Variants in LARS1 observed in about 807,000 individuals in gnomAD.
LARS1 encodes leucyl-tRNA synthetase 1, also known as leucine--tRNA ligase, cytoplasmic.
A neutral mutation model predicts 162.8 loss-of-function variants in LARS1; 100 were observed. The ratio of observed to expected loss-of-function variants is 0.61; its 90% confidence interval spans 0.52 to 0.73. The LOEUF (loss-of-function observed/expected upper bound fraction) is 0.73. LARS1 is among the 30% of genes least tolerant of loss of function. The pLI, the probability that LARS1 is intolerant of heterozygous loss-of-function variation, is 0.00. For synonymous variants in LARS1, 457 were observed against 462.8 expected (o/e 0.99, Z 0.16); for missense variants, 1,258 against 1,408.9 (o/e 0.89, Z 1.71).
chr5:146,131,096 C>T lies in LARS1; in HGVS notation c.2410G>A (p.Gly804Arg). 6.4e-7 allele frequency: 1 copy of T among 1,561,570 alleles called. No individual in the cohort carries two copies. The highest frequency in any genetic ancestry group is 8.8e-7 in the Non-Finnish European group (1 of 1,141,588). The change falls in exon 24 of 32, where the codon GGA becomes AGA. Residue 804 changes from glycine to arginine, a missense_variant. By Grantham distance (125) the Gly-to-Arg change is moderately radical. Transcript: ENST00000394434. ...TAGTTTTGATCTGTTTTTATAATTC[C>T]TGCATTCAATTCACTATTGAATACG... Reference protein sequence around the residue: ...DRVFASELNAGIIKTDQNYEK... With the variant: ...DRVFASELNARIIKTDQNYEK...
chr5:146,164,412 A>G lies in LARS1; in HGVS notation c.492T>C (p.Leu164=), dbSNP rs1753911288. ...SKYQWGIMKS[L]GLSDEEIVKF... ...TTACTATCTCTTCATCAGACAGGCC[A>G]AGGGATTTCATAATGCCCCACTGGT... Residue 164 remains leucine (L), a synonymous_variant, in exon 6 of 32, where the codon CTT becomes CTC. Coordinates refer to ENST00000394434, the MANE Select transcript of LARS1 (RefSeq NM_020117.11). The G allele has an allele frequency of 6.2e-7, 1 of 1,614,056 alleles. No individual in the cohort carries two copies. Among genetic ancestry groups the G allele is most frequent in the Admixed American group, 1.7e-5 (1 of 60,024 alleles).
Position 146,144,547 on chromosome 5 carries a change from G to A in LARS1, c.1590-10C>T. 1.2e-6 allele frequency: 2 copies of A among 1,613,532 alleles called. No individual in the cohort carries two copies. Among genetic ancestry groups the A allele is most frequent in the Middle Eastern group, 3.3e-4 (2 of 6,062 alleles). On this transcript the variant is annotated splice_polypyrimidine_tract_variant and intron_variant, in intron 16 of 31. Coordinates refer to ENST00000394434, the MANE Select transcript of LARS1 (RefSeq NM_020117.11). ...TCCATAATCCAAGTACCTGGGAGTGGACAAATTGATATGTTTTTTTTTAAG... is the reference window on the plus strand; with the variant it reads ...TCCATAATCCAAGTACCTGGGAGTGAACAAATTGATATGTTTTTTTTTAAG...
chr5:146,138,744 G>A (rs145301823), intron 21 of LARS1: 29,927 of 151,698 alleles, frequency 0.2, 4,146 homozygotes, highest in Admixed American at 0.3. Flanking sequence ...AAAAAAAAAA[G>A]AAAGAAAAAG....
intron 21 of LARS1, among the ~76,000 whole-genome samples, chr5:146,136,926 G>C (rs894059509): frequency 2.6e-5 from 4 of 152,038 alleles, no homozygotes; most frequent in African/African-American, 9.7e-5. Flanking sequence ...TTGAGATGCA[G>C]TTTCACTCTT....
intron 29 of LARS1, 44 bp from the exon 30 acceptor site, chr5:146,122,631 G>C: frequency 9.2e-7 from 1 of 1,088,472 alleles, no homozygotes; most frequent in Non-Finnish European, 1.4e-6. Context: ...ATCACTTAAT[G>C]TGATTCAAAT....
At position 146,113,891 on chromosome 5, in the gene LARS1, A is replaced by G. The variant is rs1764083150; in HGVS notation, c.*215T>C. The G allele has an allele frequency of 7.7e-6, 4 of 522,724 alleles. No individual in the cohort carries two copies. Among genetic ancestry groups the G allele is most frequent in the East Asian group, 3.0e-5 (1 of 33,244 alleles). The allele number at this position is 522,724 out of a possible 1,614,324, so 32.4% of individuals were successfully genotyped here. On this transcript the variant is annotated 3_prime_UTR_variant, in exon 32 of 32. Coordinates refer to ENST00000394434, the MANE Select transcript of LARS1 (RefSeq NM_020117.11). Reference sequence around the variant, plus strand: ...TTTTAAAAAGAGTTTGGCAAAAACCATTTCTCTTGGACACCCAAAGAAAGG... The same window carrying G: ...TTTTAAAAAGAGTTTGGCAAAAACCGTTTCTCTTGGACACCCAAAGAAAGG...
At chr5:146,142,657 A>G (rs1009468099) in intron 20 of LARS1, 2 of 490,606 alleles carry the variant, frequency 4.1e-6, no homozygotes, top group African/African-American at 3.8e-5. Context: ...CACCTGAGAT[A>G]TGACATGCTT....
intron 20 of LARS1, 139 bp downstream of exon 20, chr5:146,142,733 T>C (rs2126478852): frequency 6.0e-6 from 4 of 670,476 alleles, no homozygotes; most frequent in Non-Finnish European, 9.9e-6. Flanking sequence ...TCTGCTTTAG[T>C]ACATATTTAA....
intron 1 of LARS1, chr5:146,179,582 T>A (rs748312170): frequency 3.6e-6 from 1 of 277,392 alleles, no homozygotes; most frequent in Admixed American, 4.1e-5. Context: ...TAATATGAAA[T>A]TTCACTGTAT....
intron 4 of LARS1, among the ~76,000 whole-genome samples, chr5:146,171,175 G>A (rs113207170): frequency 0.031 from 4,715 of 152,052 alleles, 114 homozygotes; most frequent in Non-Finnish European, 0.043. Context: ...TAGCCAACAC[G>A]GGGAAACCTC....
intron 6 of LARS1, among the ~76,000 whole-genome samples, chr5:146,162,198 T>C (rs971678150): frequency 6.6e-6 from 1 of 152,226 alleles, no homozygotes; most frequent in African/African-American, 2.4e-5. Context: ...TTCTATTTAC[T>C]TTGCCCAGAT....
chr5:146,172,835 AT>A, intron 2 of LARS1, 61 bp from the exon 3 acceptor site: 3 of 819,328 alleles, frequency 3.7e-6, no homozygotes, highest in Non-Finnish European at 5.5e-6. Context: ...TCCTTTTACA[AT>A]AAGGAAGTGG....
chr5:146,161,227 G>C (rs1167470126), intron 6 of LARS1, among the ~76,000 whole-genome samples: 1 of 152,196 alleles, frequency 6.6e-6, no homozygotes, highest in Non-Finnish European at 1.5e-5. Context: ...CAGTTGAGTT[G>C]TAATCTTTGT....
intron 13 of LARS1, among the ~76,000 whole-genome samples, chr5:146,152,498 T>C (rs1753342301): frequency 6.6e-6 from 1 of 152,116 alleles, no homozygotes; most frequent in African/African-American, 2.4e-5. Context: ...TTGTGAACTG[T>C]GCATGGAGGG....
rs4413574 is a variant in LARS1, at chr5:146,177,181, A to G, written c.125+366T>C. ...GCCAACGGTTTTAGAAATACAATGC[A>G]CAGGGCCGGGCGTGGTGGCTCACGC... On this transcript the variant is annotated intron_variant, in intron 2 of 31. Transcript: ENST00000394434. Among the ~76,000 whole-genome samples the G allele has an allele frequency of 0.22, 33,878 of 152,122 alleles. 4,835 individuals are homozygous for G. The highest frequency in any genetic ancestry group is 0.34 in the Admixed American group (5,121 of 15,252).
At chr5:146,139,040 GAAA>G (rs371218055) in intron 21 of LARS1, 14,834 of 203,352 alleles carry the variant, frequency 0.073, 165 homozygotes, top group South Asian at 0.14. Flanking sequence ...GTGGATTTGT[GAAA>G]AAAAAAAAAA....
intron 10 of LARS1, among the ~76,000 whole-genome samples, chr5:146,155,443 T>C (rs991145018): frequency 3.3e-5 from 5 of 152,240 alleles, no homozygotes; most frequent in Non-Finnish European, 7.3e-5. Flanking sequence ...ATGGGTACTA[T>C]ACATCTATTT....
In LARS1 at chr5:146,132,900, G is replaced by C. The variant is rs1159239505; in HGVS notation, c.2394C>G (p.Ala798=). 4 of 1,612,610 alleles carry C rather than the reference G, an allele frequency of 2.5e-6. No homozygotes were observed. In the East Asian group the frequency reaches 8.9e-5, roughly 36 times the overall value. ...AATGATTGGGATCTACAGATTACCTGGCAAAAACTCTATCATTGAAAGTGC... is the reference window on the plus strand; with the variant it reads ...AATGATTGGGATCTACAGATTACCTCGCAAAAACTCTATCATTGAAAGTGC... ...PASTFNDRVF[A]SELNAGIIKT... The change falls in exon 23 of 32, where the codon GCC becomes GCG. Residue 798 remains alanine, a splice_region_variant and synonymous_variant. Coordinates refer to ENST00000394434, the MANE Select transcript of LARS1 (RefSeq NM_020117.11).
chr5:146,131,021 GA>G lies in LARS1; in HGVS notation c.2484del (p.Gln829ArgfsTer53). 6.4e-7 allele frequency: 1 copy of G among 1,559,910 alleles called. No individual in the cohort carries two copies. The highest frequency in any genetic ancestry group is 8.8e-7 in the Non-Finnish European group (1 of 1,140,948). ...KEALKTGFFE[F>X]QAAKDKYREL... ...TACCAAAAGAATCAACAGCCTACCT[GA>G]AACTCAAAAAACCCTGTTTTCAAAG... On this transcript the variant is annotated frameshift_variant, in exon 24 of 32. Coordinates refer to ENST00000394434, the MANE Select transcript of LARS1 (RefSeq NM_020117.11). LOFTEE classifies it high-confidence loss of function.
Sources: gnomAD v4.1 joint callset for allele counts (sites outside exome capture counted in the v4.1 genomes callset) on GRCh38, gnomAD v4.1.1 for gene constraint, MANE v1.5 for transcripts, NCBI Gene and HGNC (gene_info 2026-07-23, HGNC 2026-07-21) for gene names.